The following SIRT2 variants were observed in gnomAD, a reference collection of about 807,000 sequenced individuals.
SIRT2 encodes NAD-dependent protein deacetylase sirtuin-2.
In SIRT2, 40 loss-of-function variants were observed where a neutral mutation model predicts 57.4. The observed-to-expected ratio is 0.70, with a 90% CI of 0.54 to 0.91. The LOEUF (loss-of-function observed/expected upper bound fraction) is 0.91, where lower values mean the gene tolerates loss of function less well. SIRT2 is among the 40% of genes least tolerant of loss of function. The probability of loss-of-function intolerance (pLI) is 0.00; values close to 1 mark genes in which losing one functional copy is unlikely to be tolerated. For missense variants in SIRT2, 439 were observed against 510.4 expected (o/e 0.86, Z 1.35); for synonymous variants, 161 against 195.7 (o/e 0.82, Z 1.48).
chr19:38,895,041 C>G (rs544408577), intron 2 of SIRT2, among the ~76,000 whole-genome samples: 1 of 151,156 alleles, frequency 6.6e-6, no homozygotes, highest in Non-Finnish European at 1.5e-5. Context: ...CTGTCCCCCC[C>G]ATCAGCCAGA....
At chr19:38,881,017 G>T in intron 11 of SIRT2, 83 bp downstream of exon 11, 7 of 1,555,634 alleles carry the variant, frequency 4.5e-6, no homozygotes, top group Non-Finnish European at 6.2e-6. Context: ...CCTTTCCTGA[G>T]GCAGGGCCCA....
intron 8 of SIRT2, among the ~76,000 whole-genome samples, chr19:38,886,685 A>G (rs1282860997): frequency 1.4e-5 from 2 of 145,738 alleles, no homozygotes; most frequent in Non-Finnish European, 3.0e-5. Flanking sequence ...GCAATGGCGG[A>G]ATCTTGGCTC....
At chr19:38,891,377 C>T (rs1973529318) in intron 4 of SIRT2, among the ~76,000 whole-genome samples, 4 of 151,954 alleles carry the variant, frequency 2.6e-5, no homozygotes, top group Admixed American at 2.6e-4. Flanking sequence ...GGTGAAACCC[C>T]GTCTCTACTA....
intron 15 of SIRT2, 46 bp from the exon 16 acceptor site, chr19:38,879,356 G>A (rs764587493): frequency 6.2e-7 from 1 of 1,609,000 alleles, no homozygotes; most frequent in South Asian, 1.1e-5. Flanking sequence ...TGTGCATCAT[G>A]GGGTCAGAGG....
At chr19:38,889,429 A>T in intron 7 of SIRT2, 1 of 674,246 alleles carries the variant, frequency 1.5e-6, no homozygotes, top group Non-Finnish European at 2.7e-6. Context: ...CGGGCTCTCA[A>T]CGGCATCATT....
chr19:38,889,188 T>C, intron 7 of SIRT2, 33 bp from the exon 8 acceptor site: 2 of 1,598,206 alleles, frequency 1.3e-6, no homozygotes, highest in Non-Finnish European at 1.7e-6. Context: ...TGCTGACGAC[T>C]GCAGGGAACA....
chr19:38,882,693 T>C (rs907569220), intron 9 of SIRT2, among the ~76,000 whole-genome samples: 12 of 134,236 alleles, frequency 8.9e-5, no homozygotes, highest in African/African-American at 2.9e-4. Context: ...CACTGAATTC[T>C]AAGTCATTTG....
intron 7 of SIRT2, chr19:38,889,406 G>A (rs372761064): frequency 7.2e-6 from 5 of 696,144 alleles, no homozygotes; most frequent in Admixed American, 4.2e-5. Flanking sequence ...CAGGCAGCCC[G>A]GCTGCAGGGT....
At chr19:38,895,156 T>G (rs1365134722) in intron 2 of SIRT2, among the ~76,000 whole-genome samples, 2 of 149,542 alleles carry the variant, frequency 1.3e-5, no homozygotes, top group African/African-American at 4.9e-5. Context: ...CCCCTTTCCC[T>G]CCCCGGCGCT....
Position 38,879,503 on chromosome 19 carries a change from G to A in SIRT2, c.948-3C>T. 1.2e-6 allele frequency: 2 copies of A among 1,603,090 alleles called. No individual in the cohort carries two copies. Among genetic ancestry groups the A allele is most frequent in the East Asian group, 2.3e-5 (1 of 44,416 alleles). The stretch of plus-strand genomic sequence containing the variant: ...ATTCACCCAGCCAGGCCACGTCCCT[G>A]CGGTGCAGCAGGAGATCAGAGTTCC... On this transcript the variant is annotated splice_region_variant and splice_polypyrimidine_tract_variant and intron_variant, in intron 14 of 15. Coordinates refer to ENST00000249396, the MANE Select transcript of SIRT2 (RefSeq NM_012237.4).
intron 8 of SIRT2, among the ~76,000 whole-genome samples, chr19:38,885,813 TCTC>T (rs1380279838): frequency 6.6e-6 from 1 of 151,934 alleles, no homozygotes; most frequent in Non-Finnish European, 1.5e-5. Context: ...ATGGTCTCGA[TCTC>T]CTGACCTCGT....
In SIRT2 at chr19:38,881,062, G is replaced by T. The variant is rs199524470; in HGVS notation, c.747+38C>A. The T allele has an allele frequency of 2.5e-6, 4 of 1,603,236 alleles. No individual in the cohort carries two copies. In the Admixed American group the frequency reaches 6.7e-5, roughly 27 times the overall value. ...CATGGGGCCCAGCACAGGTGGAGGC[G>T]GCGGTTGGGGATGCGGGGAGGCTGG... On this transcript the variant is annotated intron_variant, in intron 11 of 15. Transcript: ENST00000249396.
chr19:38,893,457 C>T lies in SIRT2; in HGVS notation c.183G>A (p.Glu61=). 1 of 1,614,078 alleles carries T rather than the reference C, an allele frequency of 6.2e-7. No homozygotes were observed. Among genetic ancestry groups the T allele is most frequent in the Non-Finnish European group, 8.5e-7 (1 of 1,179,974 alleles). Residue 61 remains glutamate (E), a synonymous_variant, in exon 4 of 16, where the codon GAG becomes GAA. Coordinates refer to ENST00000249396, the MANE Select transcript of SIRT2 (RefSeq NM_012237.4). ...LGSQKERLLD[E]LTLEGVARYM... ...ACCGGGCCACCCCTTCCAAGGTCAG[C>T]TCGTCCAGCAGACGCTCCTTCTGGC...
chr19:38,896,503 G>A (rs1196336990), intron 2 of SIRT2, among the ~76,000 whole-genome samples: 3 of 152,124 alleles, frequency 2.0e-5, no homozygotes, highest in Non-Finnish European at 2.9e-5. Flanking sequence ...GTGAGCCACC[G>A]TGCCCGGCCT....
chr19:38,879,655 G>C lies in SIRT2; in HGVS notation c.924C>G (p.Asp308Glu). 2 of 1,575,084 alleles carry C rather than the reference G, an allele frequency of 1.3e-6. No homozygotes were observed. Among genetic ancestry groups the C allele is most frequent in the Non-Finnish European group, 1.7e-6 (2 of 1,159,970 alleles). ...ACCTGTAGGCCTTCTTGGAGTCAAA[G>C]TCCATGCCTCCTCCGAGGCCCATAA... The part of the protein sequence containing the change: ...GMIMGLGGGM[D>E]FDSKKAYRDV... The change falls in exon 14 of 16, where the codon GAC becomes GAG. Residue 308 changes from aspartate (D) to glutamate (E), a missense_variant. Transcript: ENST00000249396.
At chr19:38,899,229 G>C (rs1568409861) in intron 1 of SIRT2, among the ~76,000 whole-genome samples, 1 of 152,082 alleles carries the variant, frequency 6.6e-6, no homozygotes, top group East Asian at 1.9e-4. Context: ...GGCAACTTAT[G>C]TTCTTTGCAG....
intron 1 of SIRT2, among the ~76,000 whole-genome samples, chr19:38,899,091 G>A (rs759899894): frequency 1.3e-5 from 2 of 152,118 alleles, no homozygotes; most frequent in Non-Finnish European, 2.9e-5. Flanking sequence ...GAGGTGCAGT[G>A]GTGCAGTGGA....
chr19:38,881,033 C>G (rs1973133934), intron 11 of SIRT2, 67 bp downstream of exon 11: 1 of 1,556,828 alleles, frequency 6.4e-7, no homozygotes, highest in African/African-American at 1.4e-5. Flanking sequence ...GCCCAGGCTG[C>G]CCCCATGGGG....
At chr19:38,898,026 C>T (rs891501069) in intron 2 of SIRT2, among the ~76,000 whole-genome samples, 5 of 152,198 alleles carry the variant, frequency 3.3e-5, no homozygotes, top group East Asian at 1.9e-4. Context: ...TTCGTCATCA[C>T]GCTGTGAGAT....
Sources: allele counts gnomAD v4.1 joint callset (sites outside exome capture counted in the v4.1 genomes callset), GRCh38; gene constraint gnomAD v4.1.1; transcripts MANE v1.5; gene names NCBI Gene and HGNC (gene_info 2026-07-23, HGNC 2026-07-21).